The following STK10 variants were observed in gnomAD, a reference collection of about 807,000 sequenced individuals.
The protein encoded by STK10 is serine/threonine kinase 10.
In STK10, 78 loss-of-function variants were observed where a neutral mutation model predicts 113.8. That is an observed-to-expected ratio of 0.69 (90% CI 0.57 to 0.83). The LOEUF (loss-of-function observed/expected upper bound fraction) is 0.83. STK10 is among the 40% of genes least tolerant of loss of function. STK10 has a pLI of 0.00. For missense variants in STK10, 1,109 were observed against 1,280.1 expected, an observed-to-expected ratio of 0.87 and a Z score of 2.04; for synonymous variants, 465 against 494.7, an observed-to-expected ratio of 0.94 and a Z score of 0.80.
At chr5:172,153,325 A>AGAGAGAGAGAGAGAGAGAGAGAGAGAG (rs1770283325) in intron 2 of STK10, among the ~76,000 whole-genome samples, 1 of 141,886 alleles carries the variant, frequency 7.0e-6, no homozygotes, top group African/African-American at 2.7e-5. Context: ...AGAAAGAAAG[A>AGAGAGAGAGAGAGAGAGAGAGAGAGAG]AATGTAAAAT....
intron 7 of STK10, among the ~76,000 whole-genome samples, chr5:172,103,828 G>A (rs1052478791): frequency 8.5e-5 from 13 of 152,102 alleles, no homozygotes; most frequent in East Asian, 1.9e-4. Context: ...TAAGCTAAGC[G>A]CTTCATAGTA....
intron 3 of STK10, among the ~76,000 whole-genome samples, chr5:172,118,591 C>T (rs994667663): frequency 4.6e-5 from 7 of 152,014 alleles, no homozygotes; most frequent in African/African-American, 7.2e-5. Flanking sequence ...TCCAAAATGT[C>T]CACTGGGGCC....
intron 2 of STK10, among the ~76,000 whole-genome samples, chr5:172,151,908 C>T (rs191544125): frequency 6.6e-6 from 1 of 152,382 alleles, no homozygotes; most frequent in Non-Finnish European, 1.5e-5. Context: ...CTGTGGGGTC[C>T]TCTGCAGACT....
At chr5:172,059,711 CT>C (rs747162592) in intron 14 of STK10, among the ~76,000 whole-genome samples, 6 of 152,142 alleles carry the variant, frequency 3.9e-5, no homozygotes, top group Non-Finnish European at 5.9e-5. Flanking sequence ...CCCTCTTCCC[CT>C]GCTGGATGGT....
chr5:172,068,550 T>C (rs1768117114), intron 12 of STK10, among the ~76,000 whole-genome samples: 1 of 152,140 alleles, frequency 6.6e-6, no homozygotes, highest in Non-Finnish European at 1.5e-5. Context: ...ATGGTAAATA[T>C]CTGGATAAAC....
At chr5:172,092,173 T>C (rs1581151497) in intron 9 of STK10, among the ~76,000 whole-genome samples, 1 of 150,502 alleles carries the variant, frequency 6.6e-6, no homozygotes, top group East Asian at 2.0e-4. Flanking sequence ...GGAGTGAGAG[T>C]GGAGGGGAAG....
chr5:172,144,748 G>A (rs543204859), intron 2 of STK10, among the ~76,000 whole-genome samples: 1 of 152,290 alleles, frequency 6.6e-6, no homozygotes, highest in South Asian at 2.1e-4. Flanking sequence ...GGAACAGAGG[G>A]AGTGACCTTG....
chr5:172,070,787 G>A (rs1561794879), intron 12 of STK10, among the ~76,000 whole-genome samples: 1 of 151,946 alleles, frequency 6.6e-6, no homozygotes, highest in Non-Finnish European at 1.5e-5. Context: ...ACCAATATGA[G>A]GGATGAAAGA....
intron 2 of STK10, among the ~76,000 whole-genome samples, chr5:172,129,903 C>A (rs1769712049): frequency 6.6e-6 from 1 of 152,216 alleles, no homozygotes; most frequent in South Asian, 2.1e-4. Context: ...ACGTGCCTGG[C>A]CCCAGGTCGG....
At chr5:172,128,464 G>A (rs1461656774) in intron 2 of STK10, among the ~76,000 whole-genome samples, 1 of 151,636 alleles carries the variant, frequency 6.6e-6, no homozygotes, top group East Asian at 1.9e-4. Context: ...CTGAGTAGCT[G>A]GGATTAAAGG....
intron 17 of STK10, among the ~76,000 whole-genome samples, chr5:172,053,551 G>A (rs1393819936): frequency 2.0e-5 from 3 of 152,194 alleles, no homozygotes; most frequent in Non-Finnish European, 2.9e-5. Flanking sequence ...TTCTAACCTC[G>A]CTGTTCTTTC....
At chr5:172,157,414 A>G (rs141306189) in intron 1 of STK10, among the ~76,000 whole-genome samples, 1,717 of 152,142 alleles carry the variant, frequency 0.011, 39 homozygotes, top group African/African-American at 0.04. Flanking sequence ...AAAATTAGCC[A>G]GTGTGGTGGC....
chr5:172,089,067 T>C lies in STK10; in HGVS notation c.1685+1165A>G, dbSNP rs539078534. On this transcript the variant is annotated intron_variant, in intron 10 of 18. Coordinates refer to ENST00000176763, the MANE Select transcript of STK10 (RefSeq NM_005990.4). ...TGAGCCCAGAGCCTGCCCATCCTAG[T>C]CAAGATCTCCCTCTCTCCCTCCACC... is the stretch of plus-strand genomic sequence containing the variant. Among the ~76,000 whole-genome samples, 4 of 152,244 alleles carry C rather than the reference T, an allele frequency of 2.6e-5. No homozygotes were observed. In the East Asian group the frequency reaches 7.7e-4, roughly 29 times the overall value.
At chr5:172,053,163 A>T in intron 17 of STK10, 121 bp from the exon 18 acceptor site, 1 of 731,732 alleles carries the variant, frequency 1.4e-6, no homozygotes. Context: ...TTTCTTCTTG[A>T]CTATAAATCC....
rs149342870 is a variant in STK10, at chr5:172,125,538, T to C, written c.370+1835A>G. ...TAGCTGGGATTACAGGCGCCTGCCA[T>C]CACGCCCAGCTAATTTTCATATATT... On this transcript the variant is annotated intron_variant, in intron 3 of 18. Coordinates refer to ENST00000176763, the MANE Select transcript of STK10 (RefSeq NM_005990.4). Among the ~76,000 whole-genome samples the C allele has an allele frequency of 2.8e-3, 422 of 152,244 alleles. 3 individuals carry two copies. Among genetic ancestry groups the C allele is most frequent in the African/African-American group, 9.8e-3 (407 of 41,544 alleles).
intron 12 of STK10, among the ~76,000 whole-genome samples, chr5:172,078,954 C>T (rs1239006656): frequency 7.2e-6 from 1 of 138,594 alleles, no homozygotes; most frequent in African/African-American, 3.4e-5. Flanking sequence ...AGTCCACACA[C>T]ACACACACAC....
intron 1 of STK10, among the ~76,000 whole-genome samples, chr5:172,186,576 C>T (rs888197129): frequency 6.6e-6 from 1 of 151,418 alleles, no homozygotes; most frequent in Admixed American, 6.6e-5. Context: ...GAGCCGAGAT[C>T]GGGCCACTGC....
At position 172,128,195 on chromosome 5, in the gene STK10, T is replaced by C. The variant is rs1273231101; in HGVS notation, c.322-774A>G. On this transcript the variant is annotated intron_variant, in intron 2 of 18. Coordinates refer to ENST00000176763, the MANE Select transcript of STK10 (RefSeq NM_005990.4). ...ACCCGCTGCACTCCAGCCTGGGCAATAGAGCAATAGAGGGAGACTCCGTCT... is the reference window on the plus strand; with the variant it reads ...ACCCGCTGCACTCCAGCCTGGGCAACAGAGCAATAGAGGGAGACTCCGTCT... 3.0e-5 allele frequency among the ~76,000 whole-genome samples: 3 copies of C among 99,300 alleles called. No homozygotes were observed. The South Asian group carries it at 9.8e-4, about 32-fold the overall frequency. 65.1% of individuals were successfully genotyped at this position (99,300 alleles called of 152,430 possible).
intron 15 of STK10, 93 bp downstream of exon 15, chr5:172,057,256 T>C: frequency 1.3e-6 from 2 of 1,510,102 alleles, no homozygotes; most frequent in Non-Finnish European, 1.8e-6. Context: ...ATCCAAAGTG[T>C]GCACCCAAGA....
Sources: allele counts gnomAD v4.1 joint callset (sites outside exome capture counted in the v4.1 genomes callset), GRCh38; gene constraint gnomAD v4.1.1; transcripts MANE v1.5; gene names NCBI Gene and HGNC (gene_info 2026-07-23, HGNC 2026-07-21).